Variants in FRMD4B observed in about 807,000 individuals in gnomAD.
The protein encoded by FRMD4B is FERM domain-containing protein 4B.
FRMD4B carries 74 observed loss-of-function variants against 141.5 expected under a neutral mutation model. That is an observed-to-expected ratio of 0.52 (90% CI 0.43 to 0.63). The LOEUF (loss-of-function observed/expected upper bound fraction) is 0.63, where lower values mean the gene tolerates loss of function less well. Ranked by LOEUF, FRMD4B falls within the 30% of genes least tolerant of loss-of-function variation. FRMD4B has a pLI of 0.00. For synonymous variants in FRMD4B, 506 were observed against 467.9 expected, an observed-to-expected ratio of 1.08 and a Z score of -1.05; for missense variants, 1,366 against 1,253.4, an observed-to-expected ratio of 1.09 and a Z score of -1.36.
intron 3 of FRMD4B, among the ~76,000 whole-genome samples, chr3:69,310,848 G>GT (rs1391329541): frequency 4.6e-5 from 7 of 151,990 alleles, no homozygotes; most frequent in Non-Finnish European, 5.9e-5. Flanking sequence ...CTATATACAT[G>GT]TTTTTTAGTG....
intron 2 of FRMD4B, among the ~76,000 whole-genome samples, chr3:69,425,547 G>T (rs1287521543): frequency 6.6e-6 from 1 of 152,158 alleles, no homozygotes; most frequent in Non-Finnish European, 1.5e-5. Context: ...TAATCGATCT[G>T]CAATTCAATA....
At chr3:69,455,311 C>T (rs753634776) in intron 1 of FRMD4B, among the ~76,000 whole-genome samples, 4 of 152,318 alleles carry the variant, frequency 2.6e-5, no homozygotes, top group Non-Finnish European at 4.4e-5. Flanking sequence ...GAGGTTTGTT[C>T]TTTCACTCTT....
intron 2 of FRMD4B, among the ~76,000 whole-genome samples, chr3:69,408,559 G>A (rs1704694388): frequency 6.6e-6 from 1 of 152,194 alleles, no homozygotes; most frequent in Admixed American, 6.5e-5. Flanking sequence ...GCAGAACGTG[G>A]GACCTGTAAG....
intron 7 of FRMD4B, among the ~76,000 whole-genome samples, chr3:69,237,429 C>T (rs1418505153): frequency 6.6e-6 from 1 of 152,248 alleles, no homozygotes; most frequent in African/African-American, 2.4e-5. Flanking sequence ...TTATATAAGC[C>T]TTTCTCCTGG....
At chr3:69,455,471 T>C (rs1705583408) in intron 1 of FRMD4B, among the ~76,000 whole-genome samples, 1 of 152,182 alleles carries the variant, frequency 6.6e-6, no homozygotes, top group South Asian at 2.1e-4. Flanking sequence ...CATGCCACCT[T>C]GAGAGCTGTA....
chr3:69,535,733 T>TG (rs34397575), intron 1 of FRMD4B: 175,710 of 432,286 alleles, frequency 0.41, 36,960 homozygotes, highest in Admixed American at 0.45. Flanking sequence ...CACGGGCACT[T>TG]GGGGGTCTCT....
chr3:69,327,719 A>G (rs531598411), intron 1 of FRMD4B, among the ~76,000 whole-genome samples: 1 of 152,216 alleles, frequency 6.6e-6, no homozygotes, highest in Non-Finnish European at 1.5e-5. Flanking sequence ...GTTGGTAGAA[A>G]CATCATATTT....
intron 2 of FRMD4B, among the ~76,000 whole-genome samples, chr3:69,400,326 G>A (rs1218603767): frequency 2.0e-5 from 3 of 151,904 alleles, no homozygotes; most frequent in Admixed American, 1.3e-4. Context: ...GGTGAGCTAT[G>A]AGCTATGATC....
chr3:69,238,507 G>C (rs1295590709), intron 7 of FRMD4B, among the ~76,000 whole-genome samples: 1 of 152,204 alleles, frequency 6.6e-6, no homozygotes, highest in Non-Finnish European at 1.5e-5. Context: ...TTCCTGGCCA[G>C]GTGTGGTAGC....
intron 1 of FRMD4B, among the ~76,000 whole-genome samples, chr3:69,456,020 C>G (rs1172258711): frequency 6.6e-6 from 1 of 152,148 alleles, no homozygotes; most frequent in Non-Finnish European, 1.5e-5. Flanking sequence ...ACATCAAGGA[C>G]TTAGTTTAGT....
At chr3:69,310,386 C>T (rs1220984476) in intron 3 of FRMD4B, 2 of 436,980 alleles carry the variant, frequency 4.6e-6, no homozygotes, top group South Asian at 1.6e-5. Flanking sequence ...GGATGGTTGG[C>T]CAACATATTT....
chr3:69,457,446 T>C (rs903815475), intron 1 of FRMD4B, among the ~76,000 whole-genome samples: 1 of 152,156 alleles, frequency 6.6e-6, no homozygotes, highest in African/African-American at 2.4e-5. Context: ...GAAAATAAAA[T>C]ATTAGTCTAC....
intron 1 of FRMD4B, chr3:69,334,353 C>A (rs1702472228): frequency 1.3e-5 from 2 of 151,648 alleles, no homozygotes; most frequent in Admixed American, 6.6e-5. Flanking sequence ...GGTGGGGAGG[C>A]CAGGTGCGGT....
chr3:69,197,790 C>G (rs2092923905), intron 12 of FRMD4B: 1 of 152,416 alleles, frequency 6.6e-6, no homozygotes, highest in Admixed American at 6.5e-5. Flanking sequence ...CCTCTGGCCT[C>G]TAAACATCCA....
intron 1 of FRMD4B, among the ~76,000 whole-genome samples, chr3:69,485,783 C>A (rs887518497): frequency 1.3e-5 from 2 of 152,178 alleles, no homozygotes; most frequent in Non-Finnish European, 1.5e-5. Flanking sequence ...TCACCTGGTG[C>A]GACGCAGCCC....
chr3:69,465,514 A>G (rs1228138212), intron 1 of FRMD4B, among the ~76,000 whole-genome samples: 5 of 152,136 alleles, frequency 3.3e-5, no homozygotes, highest in Middle Eastern at 3.4e-3. Flanking sequence ...TACATTAGGT[A>G]TATCTCCTAA....
At chr3:69,430,925 T>C (rs1705168508) in intron 2 of FRMD4B, among the ~76,000 whole-genome samples, 1 of 152,134 alleles carries the variant, frequency 6.6e-6, no homozygotes, top group Non-Finnish European at 1.5e-5. Flanking sequence ...AGGGACAATA[T>C]TTTTGGAAGC....
chr3:69,330,224 T>G (rs938923239), intron 1 of FRMD4B, among the ~76,000 whole-genome samples: 3 of 151,822 alleles, frequency 2.0e-5, no homozygotes, highest in African/African-American at 7.3e-5. Flanking sequence ...CTTCTGAATT[T>G]TCTACCCATT....
intron 5 of FRMD4B, among the ~76,000 whole-genome samples, chr3:69,258,622 T>G (rs2093507277): frequency 6.6e-6 from 1 of 152,202 alleles, no homozygotes; most frequent in African/African-American, 2.4e-5. Context: ...CTATTACCCA[T>G]ATGTGAAATG....
Sources: gnomAD v4.1 joint callset for allele counts (sites outside exome capture counted in the v4.1 genomes callset) on GRCh38, gnomAD v4.1.1 for gene constraint, MANE v1.5 for transcripts, NCBI Gene and HGNC (gene_info 2026-07-23, HGNC 2026-07-21) for gene names.